Variants in POU6F2 observed in about 807,000 individuals in gnomAD.
POU6F2 encodes the protein POU domain, class 6, transcription factor 2.
Under a neutral mutation model 71.3 loss-of-function variants are expected in POU6F2, and 31 were observed. The ratio of observed to expected loss-of-function variants is 0.43; its 90% CI spans 0.33 to 0.59. The LOEUF is 0.59. Among genes scored for constraint, POU6F2 ranks in the 20% least tolerant of loss-of-function variants. POU6F2 has a pLI of 0.04. For synonymous variants in POU6F2, 347 were observed against 355.7 expected, an observed-to-expected ratio of 0.98 and a Z score of 0.27; for missense variants, 783 against 856.8, an observed-to-expected ratio of 0.91 and a Z score of 1.07.
intron 2 of POU6F2, among the ~76,000 whole-genome samples, chr7:39,161,889 C>T (rs1004073321): frequency 6.6e-6 from 1 of 152,318 alleles, no homozygotes; most frequent in Middle Eastern, 3.4e-3. Context: ...CATGTGTCGT[C>T]ATCTTACGTG....
chr7:39,147,222 A>G (rs1203921268), intron 2 of POU6F2, among the ~76,000 whole-genome samples: 3 of 152,202 alleles, frequency 2.0e-5, no homozygotes, highest in Non-Finnish European at 4.4e-5. Flanking sequence ...TACAAAAGTA[A>G]TTGGGGTGTT....
intron 1 of POU6F2, among the ~76,000 whole-genome samples, chr7:38,993,900 ATTCCTTAG>A (rs1788671155): frequency 6.6e-6 from 1 of 152,058 alleles, no homozygotes; most frequent in Admixed American, 6.5e-5. Context: ...TAGCTCAGTC[ATTCCTTAG>A]TACCTTTCAC....
chr7:39,312,610 T>C (rs1280608646), intron 4 of POU6F2, among the ~76,000 whole-genome samples: 1 of 152,212 alleles, frequency 6.6e-6, no homozygotes, highest in East Asian at 1.9e-4. Context: ...CCTTATTAAG[T>C]TGAGAACTTT....
chr7:39,363,688 G>A (rs541712174), intron 5 of POU6F2, among the ~76,000 whole-genome samples: 2 of 149,584 alleles, frequency 1.3e-5, no homozygotes, highest in African/African-American at 2.5e-5. Flanking sequence ...AGGAAAAGGG[G>A]GCTCCTAGAA....
At chr7:39,233,372 C>A (rs1794612971) in intron 4 of POU6F2, among the ~76,000 whole-genome samples, 1 of 151,542 alleles carries the variant, frequency 6.6e-6, no homozygotes, top group African/African-American at 2.4e-5. Flanking sequence ...TCAACATTAT[C>A]ACTAGCTGCC....
At chr7:39,429,850 T>G (rs567465739) in intron 6 of POU6F2, among the ~76,000 whole-genome samples, 1 of 152,262 alleles carries the variant, frequency 6.6e-6, no homozygotes, top group Admixed American at 6.5e-5. Flanking sequence ...CCTGATTTAG[T>G]TGAAACATAT....
chr7:38,985,346 T>C (rs1457514963), intron 1 of POU6F2, among the ~76,000 whole-genome samples: 1 of 152,024 alleles, frequency 6.6e-6, no homozygotes, highest in Non-Finnish European at 1.5e-5. Context: ...AACATCAAAC[T>C]CATTTCACTT....
intron 1 of POU6F2, among the ~76,000 whole-genome samples, chr7:39,003,415 C>T (rs561212829): frequency 1.3e-5 from 2 of 151,544 alleles, no homozygotes; most frequent in South Asian, 2.1e-4. Context: ...AGCACTCACA[C>T]ACAAAAAGGA....
At chr7:39,357,226 A>T (rs1219192176) in intron 5 of POU6F2, among the ~76,000 whole-genome samples, 1 of 152,174 alleles carries the variant, frequency 6.6e-6, no homozygotes, top group Non-Finnish European at 1.5e-5. Context: ...GCTGCTTCAA[A>T]CCCCACTGCA....
chr7:39,451,633 G>C lies in POU6F2; in HGVS notation c.1421G>C (p.Arg474Pro), dbSNP rs560299234. Residue 474 changes from arginine to proline, a missense_variant, in exon 8 of 10, where the codon CGG becomes CCG. Around this residue, in one of 2 missense-constraint regions of POU6F2, gnomAD observed 572 missense variants for 572.9 expected, o/e 1.00. Transcript: ENST00000518318. Reference protein sequence around the residue: ...SQASMSQSPVRQASSSSSSSS... With the variant: ...SQASMSQSPVPQASSSSSSSS... ...GCATCCATGTCTCAAAGTCCCGTCC[G>C]GCAGGCTTCCTCTTCTTCCTCCTCA... 1.9e-6 allele frequency: 3 copies of C among 1,613,182 alleles called. No individual in the cohort carries two copies. The highest frequency in any genetic ancestry group is 2.2e-5 in the South Asian group (2 of 90,726).
intron 7 of POU6F2, among the ~76,000 whole-genome samples, chr7:39,434,636 T>C (rs1788189943): frequency 6.6e-6 from 1 of 151,650 alleles, no homozygotes; most frequent in East Asian, 1.9e-4. Flanking sequence ...TTTGGGTTTT[T>C]TTTAAACTTC....
At chr7:39,107,254 A>C (rs541081019) in intron 2 of POU6F2, among the ~76,000 whole-genome samples, 92 of 152,140 alleles carry the variant, frequency 6.0e-4, no homozygotes, top group African/African-American at 2.0e-3. Flanking sequence ...TGCATTGTCC[A>C]GGCTGGTCTC....
intron 2 of POU6F2, among the ~76,000 whole-genome samples, chr7:39,150,654 G>A (rs2128734161): frequency 6.6e-6 from 1 of 151,710 alleles, no homozygotes; most frequent in East Asian, 2.0e-4. Context: ...TTTTAGTACA[G>A]ATGGGGTTTC....
At chr7:39,334,514 A>T (rs1007023804) in intron 4 of POU6F2, among the ~76,000 whole-genome samples, 16 of 143,626 alleles carry the variant, frequency 1.1e-4, no homozygotes, top group East Asian at 2.0e-4. Flanking sequence ...TTGAAAAATT[A>T]AAAAAAAAAA....
At chr7:39,045,597 C>T (rs572018733) in intron 1 of POU6F2, among the ~76,000 whole-genome samples, 1 of 151,586 alleles carries the variant, frequency 6.6e-6, no homozygotes, top group African/African-American at 2.4e-5. Context: ...TACATTCACT[C>T]ATTCAAAATG....
At chr7:39,228,381 G>A (rs921716095) in intron 4 of POU6F2, among the ~76,000 whole-genome samples, 1 of 152,132 alleles carries the variant, frequency 6.6e-6, no homozygotes, top group Admixed American at 6.5e-5. Flanking sequence ...TTGTTTTCTT[G>A]AAGTAGAAAG....
At chr7:39,142,164 GT>G (rs1792516581) in intron 2 of POU6F2, among the ~76,000 whole-genome samples, 1 of 152,034 alleles carries the variant, frequency 6.6e-6, no homozygotes, top group Non-Finnish European at 1.5e-5. Context: ...ACTCCAAAAT[GT>G]CTTCTAATGT....
chr7:39,442,700 C>T (rs977436627), intron 7 of POU6F2, among the ~76,000 whole-genome samples: 10 of 152,276 alleles, frequency 6.6e-5, no homozygotes, highest in African/African-American at 2.4e-4. Context: ...TCATCTGGTC[C>T]AACTATGTTC....
At chr7:39,277,881 AC>A (rs1784480408) in intron 4 of POU6F2, among the ~76,000 whole-genome samples, 2 of 151,696 alleles carry the variant, frequency 1.3e-5, no homozygotes, top group Non-Finnish European at 2.9e-5. Flanking sequence ...ACATGGTGAA[AC>A]CCCCTCTCTA....
Sources: allele counts gnomAD v4.1 joint callset (sites outside exome capture counted in the v4.1 genomes callset), GRCh38; gene constraint gnomAD v4.1.1; regional missense constraint gnomAD v4.1.1; transcripts MANE v1.5; gene names NCBI Gene and HGNC (gene_info 2026-07-23, HGNC 2026-07-21).